Variants in TRAM1 observed in about 807,000 individuals in gnomAD.
TRAM1 encodes translocation associated membrane protein 1.
In TRAM1, 17 loss-of-function variants were observed where a neutral mutation model predicts 48.7. The ratio of observed to expected loss-of-function variants is 0.35; its 90% CI spans 0.24 to 0.52. The LOEUF (loss-of-function observed/expected upper bound fraction) is 0.52. Among genes scored for constraint, TRAM1 ranks in the 20% least tolerant of loss-of-function variants. The pLI is 0.94. For missense variants in TRAM1, 351 were observed against 441.5 expected, an observed-to-expected ratio of 0.79 and a Z score of 1.84; for synonymous variants, 182 against 154.0, an observed-to-expected ratio of 1.18 and a Z score of -1.34.
chr8:70,590,671 CT>C (rs989808651), intron 6 of TRAM1, among the ~76,000 whole-genome samples: 1 of 152,190 alleles, frequency 6.6e-6, no homozygotes, highest in African/African-American at 2.4e-5. Context: ...GTAGCCTTTC[CT>C]TTTGGATAGT....
chr8:70,583,034 C>G, intron 10 of TRAM1, 130 bp downstream of exon 10: 1 of 1,065,866 alleles, frequency 9.4e-7, no homozygotes, highest in Non-Finnish European at 1.3e-6. Flanking sequence ...TACTTTGCCT[C>G]TAATTTTGTT....
At chr8:70,596,867 T>C (rs1310592886) in intron 4 of TRAM1, among the ~76,000 whole-genome samples, 1 of 151,706 alleles carries the variant, frequency 6.6e-6, no homozygotes, top group Non-Finnish European at 1.5e-5. Flanking sequence ...CTAAAGTGAT[T>C]TTTGTAAGAG....
rs781253384 is a variant in TRAM1 at position 70,577,252 on chromosome 8, G to A, written c.1052-2247C>T. On this transcript the variant is annotated intron_variant, in intron 10 of 10. Transcript: ENST00000262213. The stretch of plus-strand genomic sequence containing the variant: ...TTGGCATGACCAGCCTAGGCACCAC[G>A]GATGGCAGGTTGATGGCAGCAGGAG... Among the ~76,000 whole-genome samples, 13 of 152,300 alleles carry A rather than the reference G, an allele frequency of 8.5e-5. No homozygotes were observed. The East Asian group carries it at 1.5e-3, about 18-fold the overall frequency.
intron 8 of TRAM1, among the ~76,000 whole-genome samples, 197 bp downstream of exon 8, chr8:70,586,698 T>C (rs1817228696): frequency 6.6e-6 from 1 of 152,184 alleles, no homozygotes; most frequent in Non-Finnish European, 1.5e-5. Flanking sequence ...TACAATACAG[T>C]ATCTCTCTAG....
chr8:70,579,678 A>C (rs1358335441), intron 10 of TRAM1, among the ~76,000 whole-genome samples: 1 of 152,224 alleles, frequency 6.6e-6, no homozygotes, highest in African/African-American at 2.4e-5. Flanking sequence ...TCCACAAGTC[A>C]TGGACAAAAA....
intron 10 of TRAM1, among the ~76,000 whole-genome samples, chr8:70,578,344 A>G (rs1400304506): frequency 2.6e-5 from 4 of 152,356 alleles, no homozygotes; most frequent in African/African-American, 9.6e-5. Context: ...CCTGGGCTCA[A>G]GTGATCCACC....
intron 6 of TRAM1, among the ~76,000 whole-genome samples, chr8:70,588,593 GAAAA>G (rs952504743): frequency 6.7e-6 from 1 of 148,862 alleles, no homozygotes; most frequent in Non-Finnish European, 1.5e-5. Context: ...GTCTCAAAAA[GAAAA>G]AAAAAGAAAA....
intron 10 of TRAM1, among the ~76,000 whole-genome samples, chr8:70,577,231 C>A (rs1034441633): frequency 3.3e-5 from 5 of 152,130 alleles, no homozygotes; most frequent in African/African-American, 1.2e-4. Flanking sequence ...CACCCCTTGG[C>A]ATGACCAGCC....
chr8:70,583,858 G>T, intron 8 of TRAM1, 65 bp from the exon 9 acceptor site: 1 of 1,499,938 alleles, frequency 6.7e-7, no homozygotes, highest in South Asian at 1.4e-5. Flanking sequence ...TTAGAAATTA[G>T]ATTCCTAAGT....
In TRAM1 at chr8:70,590,072, G is replaced by C. The variant is rs1416812172; in HGVS notation, c.571-2896C>G. Among the ~76,000 whole-genome samples, 4 of 151,524 alleles carry C rather than the reference G, an allele frequency of 2.6e-5. No individual in the cohort carries two copies. In the East Asian group the frequency reaches 5.8e-4, roughly 22 times the overall value. On this transcript the variant is annotated intron_variant, in intron 6 of 10. Transcript: ENST00000262213. The stretch of plus-strand genomic sequence containing the variant: ...CCAAGAAAACCCTTAAAACTTATGA[G>C]GGAAGCGTTTTAGTTTTTAACTGCT...
chr8:70,607,955 T>C (rs1449059650), intron 1 of TRAM1, 122 bp downstream of exon 1: 1 of 1,275,474 alleles, frequency 7.8e-7, no homozygotes, highest in Non-Finnish European at 1.0e-6. Context: ...GGACTGGGGG[T>C]CTGCACCCAC....
At chr8:70,586,806 T>C (rs900191071) in intron 8 of TRAM1, 89 bp downstream of exon 8, 2 of 1,074,962 alleles carry the variant, frequency 1.9e-6, no homozygotes, top group Non-Finnish European at 2.7e-6. Context: ...AAAAAGTTAA[T>C]ATAATGGCCT....
chr8:70,592,017 A>G (rs1361883836), intron 6 of TRAM1, among the ~76,000 whole-genome samples: 2 of 152,214 alleles, frequency 1.3e-5, no homozygotes, highest in Non-Finnish European at 2.9e-5. Context: ...GGAAGGGGGA[A>G]AATACTATTT....
At position 70,587,293 on chromosome 8, in the gene TRAM1, A is replaced by AC. The variant is rs1290042047; in HGVS notation, c.571-118dup. 6 of 931,090 alleles carry AC rather than the reference A, an allele frequency of 6.4e-6. No individual in the cohort carries two copies. In the Admixed American group the frequency reaches 9.8e-5, roughly 15 times the overall value. 57.7% of individuals were successfully genotyped at this position (931,090 alleles called of 1,614,324 possible). ...GTCTCAAAACCTTGGACTCAAGAGAACCCCCAACCTTGGCCTTCCAAAGGG... is the reference window on the plus strand; with the variant it reads ...GTCTCAAAACCTTGGACTCAAGAGAACCCCCCAACCTTGGCCTTCCAAAGGG... On this transcript the variant is annotated intron_variant, in intron 6 of 10. Transcript: ENST00000262213.
chr8:70,603,376 T>C (rs1817651154), intron 1 of TRAM1, among the ~76,000 whole-genome samples: 1 of 151,748 alleles, frequency 6.6e-6, no homozygotes, highest in African/African-American at 2.4e-5. Context: ...TGTTTCCAGT[T>C]TGTAATATGA....
chr8:70,584,766 A>T (rs556739486), intron 8 of TRAM1, among the ~76,000 whole-genome samples: 20 of 152,222 alleles, frequency 1.3e-4, no homozygotes, highest in Non-Finnish European at 2.4e-4. Context: ...ACCACTGCTC[A>T]ATGAAATAAA....
At chr8:70,592,461 T>G (rs999924583) in intron 6 of TRAM1, among the ~76,000 whole-genome samples, 3 of 152,214 alleles carry the variant, frequency 2.0e-5, no homozygotes, top group Non-Finnish European at 4.4e-5. Context: ...CTTGAAACAG[T>G]TACTTTCAAC....
chr8:70,599,856 AC>A (rs1470248032), intron 2 of TRAM1, among the ~76,000 whole-genome samples, 162 bp downstream of exon 2: 10 of 152,242 alleles, frequency 6.6e-5, no homozygotes, highest in Non-Finnish European at 2.9e-5. Context: ...TCAATCAAAA[AC>A]ATCAGATCTT....
chr8:70,577,006 G>A (rs1563378675), intron 10 of TRAM1, among the ~76,000 whole-genome samples: 1 of 152,170 alleles, frequency 6.6e-6, no homozygotes, highest in Non-Finnish European at 1.5e-5. Context: ...CTAGATCTGG[G>A]GGCTTTTCTC....
Sources: allele counts gnomAD v4.1 joint callset (sites outside exome capture counted in the v4.1 genomes callset), GRCh38; gene constraint gnomAD v4.1.1; transcripts MANE v1.5; gene names NCBI Gene and HGNC (gene_info 2026-07-23, HGNC 2026-07-21).